The following TMEM223 variants were observed in gnomAD, a reference collection of about 807,000 sequenced individuals.
TMEM223 encodes transmembrane protein 223.
A neutral mutation model predicts 14.1 loss-of-function variants in TMEM223; 14 were observed. That is an observed-to-expected ratio of 0.99 (90% CI 0.66 to 1.55). TMEM223 has a LOEUF of 1.55. Among genes scored for constraint, TMEM223 ranks in the 40% most tolerant of loss-of-function variants. The probability of loss-of-function intolerance (pLI) is 0.00; values close to 1 mark genes in which losing one functional copy is unlikely to be tolerated. For synonymous variants in TMEM223, 145 were observed against 120.5 expected (o/e 1.20, Z -1.33); for missense variants, 346 against 269.9 (o/e 1.28, Z -1.97).
At chr11:62,784,682 A>G (rs1370392634), downstream of TMEM223, among the ~76,000 whole-genome samples, 1 of 152,156 alleles carries the variant, frequency 6.6e-6, no homozygotes, top group African/African-American at 2.4e-5. Flanking sequence ...AATGATCCGA[A>G]GGCTTTTCAG....
chr11:62,787,266 C>T (rs1031484637), downstream of TMEM223: 5 of 1,561,526 alleles, frequency 3.2e-6, no homozygotes, highest in Admixed American at 3.7e-5. Context: ...GGTGGGCGCT[C>T]TCGGACTACT....
downstream of TMEM223, chr11:62,789,135 C>CT (rs773280316): frequency 6.2e-7 from 1 of 1,614,232 alleles, no homozygotes. Flanking sequence ...GCTGGGGCCT[C>CT]TGGCCTCTTG....
At chr11:62,787,143 C>A, downstream of TMEM223, 1 of 1,567,820 alleles carries the variant, frequency 6.4e-7, no homozygotes, top group Non-Finnish European at 8.6e-7. Flanking sequence ...CTGGGAGGCG[C>A]TGCCGCGGGC....
rs769614408 is a variant in TMEM223, at chr11:62,790,092, G to C, written c.*531C>G. On this transcript the variant is annotated 3_prime_UTR_variant, in exon 2 of 2. Transcript: ENST00000307366. ...CTGCAGCCGAAGACTCCATGCCCAA[G>C]TGCCTGTAATCCCCCCCCTCAAGGC... 4 of 1,530,932 alleles carry C rather than the reference G, an allele frequency of 2.6e-6. No homozygotes were observed. In the African/African-American group the frequency reaches 5.5e-5, roughly 21 times the overall value. The allele number at this position is 1,530,932 out of a possible 1,614,324, so 94.8% of individuals were successfully genotyped here.
At chr11:62,789,285 C>T (rs763399937), downstream of TMEM223, 2 of 1,614,106 alleles carry the variant, frequency 1.2e-6, no homozygotes, top group Non-Finnish European at 1.7e-6. Context: ...TGTTCTCTCC[C>T]TTTCAGAGGT....
At position 62,790,509 on chromosome 11, in the gene TMEM223, G is replaced by T; in HGVS notation, c.*114C>A. The T allele has an allele frequency of 9.9e-7, 1 of 1,006,666 alleles. No individual in the cohort carries two copies. The highest frequency in any genetic ancestry group is 1.4e-6 in the Non-Finnish European group (1 of 694,880). The allele number at this position is 1,006,666 out of a possible 1,614,324, so 62.4% of individuals were successfully genotyped here. On this transcript the variant is annotated 3_prime_UTR_variant, in exon 2 of 2. Coordinates refer to ENST00000307366, the MANE Select transcript of TMEM223 (RefSeq NM_001080501.3). ...CAGCCTGGGCTCGAGCAGTGCTCCT[G>T]CCTCACCCTCCCAAAGTGCTGGGAT...
rs758442241 is a variant in TMEM223, at chr11:62,790,920, A to G, written c.317-5T>C. The stretch of plus-strand genomic sequence containing the variant: ...CAGCACCGAGTACGAGGGCTCCTGC[A>G]GGCAGGGCAGAGATTGGGGTGAGGG... On this transcript the variant is annotated splice_region_variant and splice_polypyrimidine_tract_variant and intron_variant, in intron 1 of 1. Transcript: ENST00000307366. 5.1e-6 allele frequency: 8 copies of G among 1,561,514 alleles called. No individual in the cohort carries two copies. The Admixed American group carries it at 1.5e-4, about 29-fold the overall frequency.
chr11:62,778,866 C>T (rs757914532), intron 1 of TMEM223: 1 of 1,613,784 alleles, frequency 6.2e-7, no homozygotes. Context: ...TGTCCTCTGG[C>T]AGTGCCCAGT....
At chr11:62,781,885 TC>T (rs1565188953) in intron 1 of TMEM223, 2 of 1,614,048 alleles carry the variant, frequency 1.2e-6, no homozygotes, top group South Asian at 2.2e-5. Context: ...TCTGGGCCCT[TC>T]CTTTTAGGTT....
intron 1 of TMEM223, 93 bp downstream of exon 1, chr11:62,791,586 G>T (rs989966337): frequency 7.3e-7 from 1 of 1,376,656 alleles, no homozygotes; most frequent in Non-Finnish European, 9.6e-7. Context: ...CGCCACTCTC[G>T]GATAGGGAGT....
Position 62,790,459 on chromosome 11 carries a change from A to G in TMEM223, c.*164T>C, listed in dbSNP as rs2084347770. On this transcript the variant is annotated 3_prime_UTR_variant, in exon 2 of 2. Coordinates refer to ENST00000307366, the MANE Select transcript of TMEM223 (RefSeq NM_001080501.3). ...TTTTTTTGTTTTTTTTTTTGTAAATAGAGACAAGGTCTCGCTATGTTGCCC... is the reference window on the plus strand; with the variant it reads ...TTTTTTTGTTTTTTTTTTTGTAAATGGAGACAAGGTCTCGCTATGTTGCCC... 3 of 585,056 alleles carry G rather than the reference A, an allele frequency of 5.1e-6. No individual in the cohort carries two copies. The highest frequency in any genetic ancestry group is 2.9e-5 in the South Asian group (1 of 34,542). 36.2% of individuals were successfully genotyped at this position (585,056 alleles called of 1,614,324 possible).
chr11:62,789,140 C>T, downstream of TMEM223: 1 of 1,614,202 alleles, frequency 6.2e-7, no homozygotes. Context: ...GGCCTCTGGC[C>T]TCTTGGCCCT....
chr11:62,780,259 T>C (rs986682834), intron 1 of TMEM223, among the ~76,000 whole-genome samples: 2 of 151,456 alleles, frequency 1.3e-5, no homozygotes, highest in African/African-American at 2.4e-5. Flanking sequence ...CAGAGGTTGC[T>C]GTGAGTCAAG....
chr11:62,782,827 T>G (rs1590936970), downstream of TMEM223: 1 of 1,613,970 alleles, frequency 6.2e-7, no homozygotes, highest in Non-Finnish European at 8.5e-7. Context: ...GGCTGGAAGG[T>G]GAGCACCCTG....
chr11:62,772,327 G>A (rs562208670), intron 2 of TMEM223, among the ~76,000 whole-genome samples: 1 of 152,046 alleles, frequency 6.6e-6, no homozygotes. Flanking sequence ...TTCGAGGCCA[G>A]CCTGGGCAAC....
At chr11:62,778,093 A>C in intron 1 of TMEM223, 3 of 1,614,132 alleles carry the variant, frequency 1.9e-6, no homozygotes, top group East Asian at 2.2e-5. Flanking sequence ...CTGGCTACCA[A>C]CATCCCCAAA....
chr11:62,772,237 C>T (rs2084153966), intron 2 of TMEM223: 29 of 422,296 alleles, frequency 6.9e-5, no homozygotes, highest in South Asian at 4.8e-4. Flanking sequence ...CAGTGCTATT[C>T]GTGGCCGGGC....
Position 62,790,103 on chromosome 11 carries a change from C to G in TMEM223, c.*520G>C. The G allele has an allele frequency of 2.7e-6, 4 of 1,454,992 alleles. No homozygotes were observed. Among genetic ancestry groups the G allele is most frequent in the Non-Finnish European group, 3.7e-6 (4 of 1,090,542 alleles). 90.1% of individuals were successfully genotyped at this position (1,454,992 alleles called of 1,614,324 possible). On this transcript the variant is annotated 3_prime_UTR_variant, in exon 2 of 2. Transcript: ENST00000307366. ...GACTCCATGCCCAAGTGCCTGTAATCCCCCCCCTCAAGGCCCTGTTTATGT... is the reference window on the plus strand; with the variant it reads ...GACTCCATGCCCAAGTGCCTGTAATGCCCCCCCTCAAGGCCCTGTTTATGT...
chr11:62,778,739 C>A (rs954860145), intron 1 of TMEM223: 2 of 788,442 alleles, frequency 2.5e-6, no homozygotes, highest in Admixed American at 3.8e-5. Context: ...CAGTCTCTTG[C>A]CCTGGTTGTC....
Sources: allele counts gnomAD v4.1 joint callset (sites outside exome capture counted in the v4.1 genomes callset), GRCh38; gene constraint gnomAD v4.1.1; transcripts MANE v1.5; gene names NCBI Gene and HGNC (gene_info 2026-07-23, HGNC 2026-07-21).